Variants in ZNF845 observed in about 807,000 individuals in gnomAD.
The protein encoded by ZNF845 is zinc finger protein 845.
A neutral mutation model predicts 76.1 loss-of-function variants in ZNF845; 59 were observed. The observed-to-expected ratio is 0.78, with a 90% CI of 0.63 to 0.96. ZNF845 has a LOEUF of 0.96. ZNF845 is among the 40% of genes least tolerant of loss of function. The probability of loss-of-function intolerance (pLI) is 0.00; values close to 1 mark genes in which losing one functional copy is unlikely to be tolerated. For missense variants in ZNF845, 1,045 were observed against 1,172.8 expected, an observed-to-expected ratio of 0.89 and a Z score of 1.59; for synonymous variants, 361 against 386.9, an observed-to-expected ratio of 0.93 and a Z score of 0.78.
At chr19:53,350,741 A>G (rs575369293) in intron 3 of ZNF845, 77 bp from the exon 4 acceptor site, 1 of 1,507,862 alleles carries the variant, frequency 6.6e-7, no homozygotes, top group East Asian at 2.3e-5. Flanking sequence ...TATTGTTTTT[A>G]GTGTCACATT....
Position 53,338,916 on chromosome 19 carries a change from T to TAA in ZNF845, c.-73-2308_-73-2307dup, listed in dbSNP as rs35457065. Among the ~76,000 whole-genome samples the TAA allele has an allele frequency of 7.7e-3, 1,017 of 132,106 alleles. 9 individuals are homozygous for TAA. Among genetic ancestry groups the TAA allele is most frequent in the Middle Eastern group, 0.019 (5 of 258 alleles). 86.7% of individuals were successfully genotyped at this position (132,106 alleles called of 152,430 possible). A position where few individuals can be genotyped will look rare whatever the true frequency, so the allele number is the denominator to read the frequency against. On this transcript the variant is annotated intron_variant, in intron 1 of 3. Transcript: ENST00000458035. ...CAACATAGTGAAATCCCATCTCTAC[T>TAA]AAAAAAAAAAAAGAAAGAAAGAAAG...
rs1205020555 is a variant in ZNF845, at chr19:53,345,953, TC to T, written c.142+323del. Among the ~76,000 whole-genome samples, 3 of 151,884 alleles carry T rather than the reference TC, an allele frequency of 2.0e-5. No homozygotes were observed. In the East Asian group the frequency reaches 5.8e-4, roughly 29 times the overall value. ...GTCTTGGTCTCCTGGGCTCAAGAGA[TC>T]CTCCTTGGCCTCCTGAGTAGCTGGG... On this transcript the variant is annotated intron_variant, in intron 3 of 3. Transcript: ENST00000458035.
intron 3 of ZNF845, among the ~76,000 whole-genome samples, chr19:53,347,831 C>G (rs1185019175): frequency 6.6e-6 from 1 of 152,132 alleles, no homozygotes; most frequent in Non-Finnish European, 1.5e-5. Flanking sequence ...GTGAGTGGAT[C>G]ACTTGAAGTC....
chr19:53,351,105 T>G lies in ZNF845; in HGVS notation c.430T>G (p.Phe144Val). Residue 144 changes from phenylalanine (F) to valine (V), a missense_variant, in exon 4 of 4, where the codon TTT becomes GTT. Coordinates refer to ENST00000458035, the MANE Select transcript of ZNF845 (RefSeq NM_138374.3). ...KPIKDQLGSS[F>V]HSHLPELHMF... ...TATTAAAGATCAGCTTGGATCAAGC[T>G]TTCATTCGCATCTGCCTGAACTCCA... 2 of 1,614,210 alleles carry G rather than the reference T, an allele frequency of 1.2e-6. No individual in the cohort carries two copies. Among genetic ancestry groups the G allele is most frequent in the Admixed American group, 1.7e-5 (1 of 60,028 alleles).
chr19:53,351,201 A>G lies in ZNF845; in HGVS notation c.526A>G (p.Thr176Ala), dbSNP rs772421071. The G allele has an allele frequency of 9.9e-6, 16 of 1,614,130 alleles. No homozygotes were observed. The African/African-American group carries it at 1.1e-4, about 11-fold the overall frequency. Residue 176 changes from threonine (T) to alanine (A), a missense_variant, in exon 4 of 4, where the codon ACA becomes GCA. Physicochemically the swap from Thr to Ala is moderately conservative, Grantham distance 58. Transcript: ENST00000458035. ...TATCAACAGTGCTTCGTTGGTTTCA[A>G]CATCCCAAAGAATTTCTTGTAGGCC... is the stretch of plus-strand genomic sequence containing the variant. ...KSINSASLVS[T>A]SQRISCRPKT...
At position 53,345,576 on chromosome 19, in the gene ZNF845, A is replaced by G; in HGVS notation, c.86A>G (p.Gln29Arg). 1.2e-6 allele frequency: 2 copies of G among 1,613,516 alleles called. No homozygotes were observed. Among genetic ancestry groups the G allele is most frequent in the Middle Eastern group, 1.7e-4 (1 of 6,058 alleles). Residue 29 changes from glutamine (Q) to arginine (R), a missense_variant, in exon 3 of 4, where the codon CAG becomes CGG. Coordinates refer to ENST00000458035, the MANE Select transcript of ZNF845 (RefSeq NM_138374.3). ...QEEWKCLDPA[Q>R]RTLYRDVMLE... ...GAGTGGAAGTGCCTGGACCCTGCTC[A>G]GAGGACTCTATACAGGGACGTGATG...
At position 53,353,126 on chromosome 19, in the gene ZNF845, C is replaced by T; in HGVS notation, c.2451C>T (p.Ala817=). ...GCAAGAACTTCCGTCACAATTCAGC[C>T]CTTGTAATTCATAAGGCAATTCATA... is the stretch of plus-strand genomic sequence containing the variant. ...ECGKNFRHNS[A]LVIHKAIHSG... Residue 817 remains alanine (A), a synonymous_variant, in exon 4 of 4, where the codon GCC becomes GCT. Coordinates refer to ENST00000458035, the MANE Select transcript of ZNF845 (RefSeq NM_138374.3). 2 of 1,598,430 alleles carry T rather than the reference C, an allele frequency of 1.3e-6. No homozygotes were observed. The highest frequency in any genetic ancestry group is 1.7e-6 in the Non-Finnish European group (2 of 1,166,772).
At position 53,353,506 on chromosome 19, in the gene ZNF845, AGT is replaced by A; in HGVS notation, c.2834_2835del (p.Cys945Ter). ...ATTCATACTGGAGAGAAACCTTACAAGTGTAATGAATGTGGCAAGGTTTTTAA... is the reference window on the plus strand; with the variant it reads ...ATTCATACTGGAGAGAAACCTTACAAGTAATGAATGTGGCAAGGTTTTTAA... On this transcript the variant is annotated frameshift_variant, in exon 4 of 4. Transcript: ENST00000458035. LOFTEE classifies it high-confidence loss of function. 4 of 1,613,710 alleles carry A rather than the reference AGT, an allele frequency of 2.5e-6. No homozygotes were observed. In the East Asian group the frequency reaches 8.9e-5, roughly 36 times the overall value.
At position 53,354,295 on chromosome 19, in the gene ZNF845, A is replaced by G. The variant is rs2085368593; in HGVS notation, c.*707A>G. 4.9e-6 allele frequency: 2 copies of G among 408,866 alleles called. No homozygotes were observed. The highest frequency in any genetic ancestry group is 2.1e-5 in the African/African-American group (1 of 47,268). 25.3% of individuals were successfully genotyped at this position (408,866 alleles called of 1,614,324 possible). A position where few individuals can be genotyped will look rare whatever the true frequency, so the allele number is the denominator to read the frequency against. ...AGCAAACCATCAAGCATTAATTGGC[A>G]TTAGAGTCAATTCAGCATTGACTTG... is the stretch of plus-strand genomic sequence containing the variant. On this transcript the variant is annotated 3_prime_UTR_variant, in exon 4 of 4. Coordinates refer to ENST00000458035, the MANE Select transcript of ZNF845 (RefSeq NM_138374.3).
chr19:53,335,156 A>G (rs1343001504), intron 1 of ZNF845, among the ~76,000 whole-genome samples: 1 of 152,136 alleles, frequency 6.6e-6, no homozygotes, highest in Non-Finnish European at 1.5e-5. Flanking sequence ...ACTTAATTCA[A>G]TTGTGAGAGC....
At position 53,340,512 on chromosome 19, in the gene ZNF845, C is replaced by A. The variant is rs539024082; in HGVS notation, c.-73-723C>A. ...TGTCCAAAGGTGACTTCCCGAACTTCCGTAAACGCATTCCCCCATGCTCCT... is the reference window on the plus strand; with the variant it reads ...TGTCCAAAGGTGACTTCCCGAACTTACGTAAACGCATTCCCCCATGCTCCT... On this transcript the variant is annotated intron_variant, in intron 1 of 3. Transcript: ENST00000458035. Among the ~76,000 whole-genome samples the A allele has an allele frequency of 2.0e-5, 3 of 152,288 alleles. No homozygotes were observed. In the East Asian group the frequency reaches 5.8e-4, roughly 29 times the overall value.
At chr19:53,347,543 T>G (rs994106115) in intron 3 of ZNF845, among the ~76,000 whole-genome samples, 4 of 152,012 alleles carry the variant, frequency 2.6e-5, no homozygotes, top group Admixed American at 2.6e-4. Flanking sequence ...TCCTCCTGCC[T>G]CAGCCTCCCA....
intron 3 of ZNF845, among the ~76,000 whole-genome samples, chr19:53,346,671 A>G (rs915840556): frequency 6.6e-6 from 1 of 152,016 alleles, no homozygotes; most frequent in African/African-American, 2.4e-5. Flanking sequence ...ACAGAGCGAC[A>G]CTCTGTCTCA....
intron 3 of ZNF845, among the ~76,000 whole-genome samples, chr19:53,350,164 A>G (rs2085323217): frequency 2.6e-5 from 1 of 38,126 alleles, no homozygotes; most frequent in Admixed American, 2.3e-4. Flanking sequence ...TTCGAGATGG[A>G]CTCTTGTCAC....
At chr19:53,341,121 G>T in intron 1 of ZNF845, 114 bp from the exon 2 acceptor site, 5 of 986,582 alleles carry the variant, frequency 5.1e-6, no homozygotes, top group Non-Finnish European at 7.3e-6. Flanking sequence ...TGGTACAGTG[G>T]GCAGCAGAGG....
At chr19:53,347,619 T>C (rs751853923) in intron 3 of ZNF845, among the ~76,000 whole-genome samples, 6 of 152,324 alleles carry the variant, frequency 3.9e-5, no homozygotes, top group Admixed American at 2.6e-4. Flanking sequence ...AAACATGTTA[T>C]TGTTATTAGA....
rs1450892564 is a variant in ZNF845 at position 53,352,684 on chromosome 19, A to T, written c.2009A>T (p.Lys670Met). 3 of 1,613,882 alleles carry T rather than the reference A, an allele frequency of 1.9e-6. No individual in the cohort carries two copies. In the African/African-American group the frequency reaches 4.0e-5, roughly 22 times the overall value. Residue 670 changes from lysine to methionine, a missense_variant, in exon 4 of 4, where the codon AAG becomes ATG. Lys to Met is a moderately conservative substitution (Grantham distance 95). Transcript: ENST00000458035. ...CCTTACAGGTGTAATGAATGTGGCA[A>T]GACCTTTAGTCGGAAGTCATACCTT... Reference protein sequence around the residue: ...EKPYRCNECGKTFSRKSYLTC... With the variant: ...EKPYRCNECGMTFSRKSYLTC...
rs760025005 is a variant in ZNF845 at position 53,352,944 on chromosome 19, A to C, written c.2269A>C (p.Ser757Arg). The C allele has an allele frequency of 3.1e-6, 5 of 1,614,146 alleles. No homozygotes were observed. In the East Asian group the frequency reaches 8.9e-5, roughly 29 times the overall value. Residue 757 changes from serine to arginine, a missense_variant, in exon 4 of 4, where the codon AGT (serine) becomes CGT (arginine). Ser to Arg is a moderately radical substitution (Grantham distance 110). Coordinates refer to ENST00000458035, the MANE Select transcript of ZNF845 (RefSeq NM_138374.3). ...YKCEECDKVF[S>R]RKSSLEKHRR... Reference sequence around the variant, plus strand: ...ATGTGAAGAATGTGACAAAGTTTTCAGTCGCAAATCAAGCCTTGAAAAACA... The same window carrying C: ...ATGTGAAGAATGTGACAAAGTTTTCCGTCGCAAATCAAGCCTTGAAAAACA...
At chr19:53,337,997 G>A (rs376539500) in intron 1 of ZNF845, among the ~76,000 whole-genome samples, 77 of 152,198 alleles carry the variant, frequency 5.1e-4, no homozygotes, top group African/African-American at 1.8e-3. Flanking sequence ...CACAGTGCCC[G>A]CCCAGAGATG....
Sources: allele counts gnomAD v4.1 joint callset (sites outside exome capture counted in the v4.1 genomes callset), GRCh38; gene constraint gnomAD v4.1.1; transcripts MANE v1.5; gene names NCBI Gene and HGNC (gene_info 2026-07-23, HGNC 2026-07-21).